Variants in COPB1 observed in about 807,000 individuals in gnomAD.
COPB1 encodes the protein coatomer subunit beta.
A neutral mutation model predicts 108.7 loss-of-function variants in COPB1; 21 were observed. The ratio of observed to expected loss-of-function variants is 0.19; its 90% confidence interval spans 0.14 to 0.28. The LOEUF (loss-of-function observed/expected upper bound fraction) is 0.28. Ranked by LOEUF, COPB1 falls within the 10% of genes least tolerant of loss-of-function variation. The pLI is 1.00. For missense variants in COPB1, 919 were observed against 1,141.3 expected (o/e 0.81, Z 2.81); for synonymous variants, 378 against 386.8 (o/e 0.98, Z 0.27).
At chr11:14,473,588 C>T (rs532505397) in intron 14 of COPB1, among the ~76,000 whole-genome samples, 9 of 49,166 alleles carry the variant, frequency 1.8e-4, no homozygotes, top group Non-Finnish European at 3.7e-4. Flanking sequence ...CCGGAACACA[C>T]ACAACAATTA....
At chr11:14,466,251 A>T (rs747816713) in intron 17 of COPB1, 31 bp downstream of exon 17, 1 of 1,607,230 alleles carries the variant, frequency 6.2e-7, no homozygotes, top group Admixed American at 1.7e-5. Context: ...ACTATGTGAC[A>T]ATCTCTTTCC....
chr11:14,493,037 T>G (rs762858177), intron 4 of COPB1, among the ~76,000 whole-genome samples: 15 of 152,068 alleles, frequency 9.9e-5, no homozygotes, highest in Non-Finnish European at 1.8e-4. Context: ...TCCCAGCTAC[T>G]TGGGAGGCTG....
chr11:14,470,944 A>ACACACACACACACACACACT (rs1285522756), intron 14 of COPB1, among the ~76,000 whole-genome samples: 17 of 90,146 alleles, frequency 1.9e-4, no homozygotes, highest in African/African-American at 8.9e-4. Flanking sequence ...ACACACACAC[A>ACACACACACACACACACACT]CTCTCTCTCT....
chr11:14,496,591 T>G (rs182363137), intron 2 of COPB1, among the ~76,000 whole-genome samples: 59 of 152,046 alleles, frequency 3.9e-4, no homozygotes, highest in South Asian at 1.0e-3. Context: ...TGATCATGGA[T>G]TAGAAGAATC....
chr11:14,468,097 T>G (rs1475060050), intron 16 of COPB1, among the ~76,000 whole-genome samples: 1 of 152,190 alleles, frequency 6.6e-6, no homozygotes, highest in Non-Finnish European at 1.5e-5. Context: ...TGTAATATTA[T>G]TGATATCAAT....
intron 14 of COPB1, among the ~76,000 whole-genome samples, chr11:14,470,899 TACACACACACAC>T (rs56957263): frequency 0.018 from 2,362 of 134,830 alleles, 30 homozygotes; most frequent in Admixed American, 0.026. Flanking sequence ...GTGGAAGAAA[TACACACACACAC>T]ACACACACAC....
intron 8 of COPB1, among the ~76,000 whole-genome samples, chr11:14,482,526 C>T (rs1032712227): frequency 6.6e-6 from 1 of 151,988 alleles, no homozygotes; most frequent in Non-Finnish European, 1.5e-5. Flanking sequence ...AATACTGATT[C>T]ACTTTAGAAA....
chr11:14,486,327 A>T, intron 7 of COPB1, 40 bp downstream of exon 7: 1 of 1,610,668 alleles, frequency 6.2e-7, no homozygotes, highest in Non-Finnish European at 8.5e-7. Context: ...AAGACAGAAA[A>T]TCTATCATCT....
rs758894178 is a variant in COPB1, at chr11:14,475,049, G to A, written c.1617-434C>T. 4.5e-5 allele frequency among the ~76,000 whole-genome samples: 6 copies of A among 133,244 alleles called. 1 individual carries two copies. The highest frequency in any genetic ancestry group is 4.5e-4 in the East Asian group (2 of 4,486). 87.4% of individuals were successfully genotyped at this position (133,244 alleles called of 152,430 possible). A position where few individuals can be genotyped will look rare whatever the true frequency, so the allele number is the denominator to read the frequency against. On this transcript the variant is annotated intron_variant, in intron 13 of 21. Coordinates refer to ENST00000439561, the MANE Select transcript of COPB1 (RefSeq NM_001144061.2). ...AGACAGGTTGCAGTGAGCCATGATC[G>A]CGCCACTGCACTCTAGCGTGGCCGA...
chr11:14,484,641 C>T (rs1850731582), intron 7 of COPB1, among the ~76,000 whole-genome samples: 1 of 152,152 alleles, frequency 6.6e-6, no homozygotes, highest in South Asian at 2.1e-4. Flanking sequence ...TCACTTGAAT[C>T]TGGGAGGCGG....
chr11:14,457,887 T>C lies in COPB1; in HGVS notation c.2803-4A>G, dbSNP rs775998909. 2 of 1,540,666 alleles carry C rather than the reference T, an allele frequency of 1.3e-6. No homozygotes were observed. The highest frequency in any genetic ancestry group is 1.2e-5 in the South Asian group (1 of 84,062). ...CTCCAAGACTTAAGGCCATTCCCTG[T>C]AAAGAAAAATTAAGATATTTATAAT... On this transcript the variant is annotated splice_region_variant and splice_polypyrimidine_tract_variant and intron_variant, in intron 21 of 21. Coordinates refer to ENST00000439561, the MANE Select transcript of COPB1 (RefSeq NM_001144061.2).
At chr11:14,492,406 CG>C (rs1850923062) in intron 4 of COPB1, among the ~76,000 whole-genome samples, 1 of 151,942 alleles carries the variant, frequency 6.6e-6, no homozygotes, top group Admixed American at 6.6e-5. Flanking sequence ...TGCAATAGCG[CG>C]ATCTCGGTTC....
At chr11:14,477,398 A>AAAAAAAAAAAAAAAAC in intron 11 of COPB1, among the ~76,000 whole-genome samples, 1 of 148,634 alleles carries the variant, frequency 6.7e-6, no homozygotes, top group Non-Finnish European at 1.5e-5. Context: ...TCAAAAAAAA[A>AAAAAAAAAAAAAAAAC]AAAAAAACAA....
chr11:14,480,836 A>T lies in COPB1; in HGVS notation c.1135T>A (p.Tyr379Asn). ...NVSEHEDTDKYRQLLVRTLHS... is the reference protein window; with the variant it reads ...NVSEHEDTDKNRQLLVRTLHS... ...AATGTTCGCACTAGGAGTTGTCTGT[A>T]TTTGTCAGTATCTTCATGCTCAGAC... The change falls in exon 10 of 22, where the codon TAC becomes AAC. Residue 379 changes from tyrosine to asparagine, a missense_variant. Tyr to Asn is a moderately radical substitution (Grantham distance 143). Coordinates refer to ENST00000439561, the MANE Select transcript of COPB1 (RefSeq NM_001144061.2). The T allele has an allele frequency of 6.2e-7, 1 of 1,613,890 alleles. No homozygotes were observed. The highest frequency in any genetic ancestry group is 1.3e-5 in the African/African-American group (1 of 75,036).
chr11:14,480,921 A>T lies in COPB1; in HGVS notation c.1066-16T>A. 6.2e-7 allele frequency: 1 copy of T among 1,613,676 alleles called. No homozygotes were observed. The highest frequency in any genetic ancestry group is 8.5e-7 in the Non-Finnish European group (1 of 1,179,706). On this transcript the variant is annotated splice_polypyrimidine_tract_variant and intron_variant, in intron 9 of 21. Transcript: ENST00000439561. ...CAATAACCAGCTTATAGAATGAAGT[A>T]AAAATAAGTGAGAGTTACATCATAT...
intron 14 of COPB1, among the ~76,000 whole-genome samples, chr11:14,471,097 C>CA (rs1850393155): frequency 1.3e-5 from 2 of 151,962 alleles, no homozygotes; most frequent in African/African-American, 2.4e-5. Flanking sequence ...CTAAAGTGTA[C>CA]AAAAAAATAG....
rs1850331398 is a variant in COPB1, at chr11:14,468,475, G to C, written c.2145+206C>G. 2.0e-5 allele frequency among the ~76,000 whole-genome samples: 3 copies of C among 152,128 alleles called. No homozygotes were observed. The South Asian group carries it at 6.2e-4, about 32-fold the overall frequency. Reference sequence around the variant, plus strand: ...TGGTCTATGATTCCAGACACAACTGGATCGAGTTAAACCATCTGATGGACT... The same window carrying C: ...TGGTCTATGATTCCAGACACAACTGCATCGAGTTAAACCATCTGATGGACT... On this transcript the variant is annotated intron_variant, in intron 16 of 21. Coordinates refer to ENST00000439561, the MANE Select transcript of COPB1 (RefSeq NM_001144061.2).
intron 2 of COPB1, 88 bp from the exon 3 acceptor site, chr11:14,494,527 T>C: frequency 1.3e-6 from 1 of 752,080 alleles, no homozygotes; most frequent in East Asian, 2.7e-5. Context: ...CAAAATAAAA[T>C]GTACCTTCTT....
chr11:14,485,779 T>C (rs1850756435), intron 7 of COPB1, among the ~76,000 whole-genome samples: 1 of 151,968 alleles, frequency 6.6e-6, no homozygotes, highest in African/African-American at 2.4e-5. Context: ...ACCCAGGAGG[T>C]GGAGGATGCA....
Sources: allele counts gnomAD v4.1 joint callset (sites outside exome capture counted in the v4.1 genomes callset), GRCh38; gene constraint gnomAD v4.1.1; transcripts MANE v1.5; gene names NCBI Gene and HGNC (gene_info 2026-07-23, HGNC 2026-07-21).